Variants in TENM4 observed in about 807,000 individuals in gnomAD.
TENM4 encodes the protein teneurin transmembrane protein 4.
In TENM4, 82 loss-of-function variants were observed where a neutral mutation model predicts 243.3. That is an observed-to-expected ratio of 0.34 (90% CI 0.28 to 0.40). The LOEUF is 0.40. Ranked by LOEUF, TENM4 falls within the 10% of genes least tolerant of loss-of-function variation. The pLI is 1.00. For synonymous variants in TENM4, 1,412 were observed against 1,456.3 expected (o/e 0.97, Z 0.69); for missense variants, 3,138 against 3,673.3 (o/e 0.85, Z 3.77).
At chr11:79,031,325 G>C (rs911503317) in intron 6 of TENM4, among the ~76,000 whole-genome samples, 1 of 152,170 alleles carries the variant, frequency 6.6e-6, no homozygotes, top group Admixed American at 6.5e-5. Flanking sequence ...ATTCAATAGG[G>C]AAAAGAAGTA....
At chr11:79,339,019 G>A (rs894403394) in intron 1 of TENM4, among the ~76,000 whole-genome samples, 7 of 152,172 alleles carry the variant, frequency 4.6e-5, no homozygotes, top group African/African-American at 1.2e-4. Flanking sequence ...TGTTGGCAAC[G>A]CCTGCTCAAA....
intron 6 of TENM4, among the ~76,000 whole-genome samples, chr11:78,945,011 A>G (rs949328309): frequency 4.6e-5 from 7 of 152,218 alleles, no homozygotes; most frequent in African/African-American, 1.4e-4. Flanking sequence ...TTTCTCTTCT[A>G]TTAAGGACTG....
chr11:79,426,331 G>A (rs1217695746), intron 1 of TENM4, among the ~76,000 whole-genome samples: 2 of 152,116 alleles, frequency 1.3e-5, no homozygotes, highest in South Asian at 2.1e-4. Flanking sequence ...TTTGCTTTAC[G>A]GACAGGTGGA....
In TENM4 at chr11:78,774,901, A is replaced by C. The variant is rs75139009; in HGVS notation, c.2392+3701T>G. Among the ~76,000 whole-genome samples, 767 of 152,308 alleles carry C rather than the reference A, an allele frequency of 5.0e-3. 7 individuals are homozygous for C. Among genetic ancestry groups the C allele is most frequent in the African/African-American group, 0.018 (728 of 41,552 alleles). On this transcript the variant is annotated intron_variant, in intron 17 of 33. Transcript: ENST00000278550. ...AGATGAGATATATCATCTGCCCTAAAAAATTTTACATTCTCTTTATTTATA... is the reference window on the plus strand; with the variant it reads ...AGATGAGATATATCATCTGCCCTAACAAATTTTACATTCTCTTTATTTATA...
At chr11:79,391,614 G>T (rs1010543997) in intron 1 of TENM4, among the ~76,000 whole-genome samples, 7 of 152,034 alleles carry the variant, frequency 4.6e-5, no homozygotes, top group African/African-American at 1.7e-4. Flanking sequence ...ATAACTCATT[G>T]GGTGAAAAAC....
At chr11:79,201,553 T>C (rs1487864977) in intron 3 of TENM4, among the ~76,000 whole-genome samples, 1 of 151,766 alleles carries the variant, frequency 6.6e-6, no homozygotes, top group Admixed American at 6.6e-5. Flanking sequence ...ATAACACACA[T>C]TTATTGGGTA....
At chr11:79,380,443 G>A (rs1005159395) in intron 1 of TENM4, among the ~76,000 whole-genome samples, 9 of 152,280 alleles carry the variant, frequency 5.9e-5, no homozygotes, top group Non-Finnish European at 1.0e-4. Context: ...CATCCTTGGG[G>A]GCCCACTTGC....
Position 79,210,645 on chromosome 11 carries a change from G to A in TENM4, c.-163+5163C>T, listed in dbSNP as rs535789843. On this transcript the variant is annotated intron_variant, in intron 3 of 33. Transcript: ENST00000278550. ...ACTAGCAAGGTAACCTGGGGAGCCC[G>A]GAGGGGAGGAAAATCTGCTTATCCA... Among the ~76,000 whole-genome samples, 253 of 152,232 alleles carry A rather than the reference G, an allele frequency of 1.7e-3. 1 individual carries two copies. The highest frequency in any genetic ancestry group is 5.6e-3 in the African/African-American group (233 of 41,544).
At chr11:79,182,409 C>T (rs1863301102) in intron 3 of TENM4, among the ~76,000 whole-genome samples, 2 of 152,212 alleles carry the variant, frequency 1.3e-5, no homozygotes, top group South Asian at 4.1e-4. Flanking sequence ...TTTATCTAGA[C>T]TTAGACCTCA....
At chr11:79,261,047 T>C (rs17137958) in intron 2 of TENM4, among the ~76,000 whole-genome samples, 5,041 of 152,282 alleles carry the variant, frequency 0.033, 254 homozygotes, top group East Asian at 0.13. Flanking sequence ...AAAGTGGCCA[T>C]AATTGAGTGA....
Position 78,722,656 on chromosome 11 carries a change from C to G in TENM4, c.3800+12G>C. On this transcript the variant is annotated intron_variant, in intron 24 of 33. Transcript: ENST00000278550. ...TTATTAGGAACTATGAAGAAAGCATCACCTTACATACCTCAGCTCTAGGAT... is the reference window on the plus strand; with the variant it reads ...TTATTAGGAACTATGAAGAAAGCATGACCTTACATACCTCAGCTCTAGGAT... 1 of 1,605,884 alleles carries G rather than the reference C, an allele frequency of 6.2e-7. No homozygotes were observed. Among genetic ancestry groups the G allele is most frequent in the South Asian group, 1.1e-5 (1 of 90,852 alleles).
intron 3 of TENM4, among the ~76,000 whole-genome samples, chr11:79,158,078 G>A (rs775732613): frequency 6.6e-6 from 1 of 152,210 alleles, no homozygotes; most frequent in African/African-American, 2.4e-5. Flanking sequence ...AGGACCCAGG[G>A]ACCCTCCTCC....
At chr11:79,270,623 A>T (rs1017981507) in intron 2 of TENM4, among the ~76,000 whole-genome samples, 1 of 151,978 alleles carries the variant, frequency 6.6e-6, no homozygotes, top group Admixed American at 6.6e-5. Flanking sequence ...TTTCATTTCT[A>T]TTCCAGCTCT....
intron 6 of TENM4, among the ~76,000 whole-genome samples, chr11:78,993,303 T>G (rs1858090360): frequency 6.6e-6 from 1 of 152,176 alleles, no homozygotes. Flanking sequence ...AATTTATGTC[T>G]TTTTCTGGTT....
chr11:78,807,757 C>T (rs1313280943), intron 14 of TENM4, among the ~76,000 whole-genome samples: 2 of 152,138 alleles, frequency 1.3e-5, no homozygotes, highest in Non-Finnish European at 2.9e-5. Flanking sequence ...TCAGGCCCCT[C>T]CTAATAGGAA....
intron 6 of TENM4, among the ~76,000 whole-genome samples, chr11:78,925,688 G>C (rs1856537797): frequency 6.6e-6 from 1 of 152,090 alleles, no homozygotes; most frequent in Non-Finnish European, 1.5e-5. Context: ...TCACCTCCCT[G>C]CCCTTCCATG....
intron 12 of TENM4, among the ~76,000 whole-genome samples, chr11:78,815,153 AG>A (rs1857578039): frequency 6.6e-6 from 1 of 152,198 alleles, no homozygotes; most frequent in Non-Finnish European, 1.5e-5. Flanking sequence ...TGGGAGGCTG[AG>A]GCAGGTGGAT....
rs1445019233 is a variant in TENM4 at position 78,903,543 on chromosome 11, G to A, written c.494-20C>T. On this transcript the variant is annotated intron_variant, in intron 6 of 33. Coordinates refer to ENST00000278550, the MANE Select transcript of TENM4 (RefSeq NM_001098816.3). ...GATGATCTAGGGCACAAACATGGCG[G>A]TCAGCGGCGGTGAGCTTGGTGCTGC... The A allele has an allele frequency of 2.6e-6, 4 of 1,543,138 alleles. No homozygotes were observed. The African/African-American group carries it at 5.5e-5, about 21-fold the overall frequency.
intron 2 of TENM4, among the ~76,000 whole-genome samples, chr11:79,273,901 G>A (rs1316278519): frequency 6.6e-6 from 1 of 152,220 alleles, no homozygotes; most frequent in Non-Finnish European, 1.5e-5. Context: ...GGGAGAATCA[G>A]AGCCTGGCCC....
Sources: allele counts gnomAD v4.1 joint callset (sites outside exome capture counted in the v4.1 genomes callset), GRCh38; gene constraint gnomAD v4.1.1; transcripts MANE v1.5; gene names NCBI Gene and HGNC (gene_info 2026-07-23, HGNC 2026-07-21).